The following GALNT17 variants were observed in gnomAD, a reference collection of about 807,000 sequenced individuals.
GALNT17 encodes polypeptide N-acetylgalactosaminyltransferase 17.
GALNT17 carries 29 observed loss-of-function variants against 63.7 expected under a neutral mutation model. That is an observed-to-expected ratio of 0.46 (90% CI 0.34 to 0.62). GALNT17 has a LOEUF of 0.62. GALNT17 is among the 20% of genes least tolerant of loss of function. The probability of loss-of-function intolerance (pLI) is 0.01; values close to 1 mark genes in which losing one functional copy is unlikely to be tolerated. For synonymous variants in GALNT17, 305 were observed against 318.3 expected (o/e 0.96, Z 0.45); for missense variants, 603 against 799.6 (o/e 0.75, Z 2.97).
At chr7:71,517,997 G>A (rs1051687140) in intron 5 of GALNT17, among the ~76,000 whole-genome samples, 2 of 152,178 alleles carry the variant, frequency 1.3e-5, no homozygotes, top group Non-Finnish European at 2.9e-5. Context: ...CTCATGAAAG[G>A]CCCCTGGGGG....
intron 9 of GALNT17, among the ~76,000 whole-genome samples, chr7:71,689,758 T>C (rs1791413748): frequency 6.6e-6 from 1 of 152,192 alleles, no homozygotes; most frequent in South Asian, 2.1e-4. Context: ...AGCCTTCTAT[T>C]AGAAGAAGGT....
chr7:71,617,336 T>A (rs28840822), intron 6 of GALNT17, among the ~76,000 whole-genome samples: 1 of 145,882 alleles, frequency 6.9e-6, no homozygotes, highest in Admixed American at 7.1e-5. Flanking sequence ...TTTTGTTTTT[T>A]TTTTTTTTGA....
intron 4 of GALNT17, among the ~76,000 whole-genome samples, chr7:71,416,324 T>G (rs73363716): frequency 0.046 from 6,925 of 152,190 alleles, 561 homozygotes; most frequent in African/African-American, 0.16. Flanking sequence ...TGAAAATGTT[T>G]TATCAGGCTG....
chr7:71,200,773 G>A (rs1789150798), intron 1 of GALNT17, among the ~76,000 whole-genome samples: 1 of 151,674 alleles, frequency 6.6e-6, no homozygotes. Context: ...TACCTTTATT[G>A]CTTTTCCATT....
At chr7:71,530,401 G>A (rs1788697800) in intron 5 of GALNT17, among the ~76,000 whole-genome samples, 1 of 152,104 alleles carries the variant, frequency 6.6e-6, no homozygotes, top group African/African-American at 2.4e-5. Flanking sequence ...AATGTTAGGA[G>A]ATAAGTACTC....
rs138909165 is a variant in GALNT17 at position 71,674,967 on chromosome 7, C to T, written c.1405-2244C>T. ...TTGGGAGGCCGAGGCAGGTGGATCACGAGGTCAGGAGATGGAGACCATCCT... is the reference window on the plus strand; with the variant it reads ...TTGGGAGGCCGAGGCAGGTGGATCATGAGGTCAGGAGATGGAGACCATCCT... On this transcript the variant is annotated intron_variant, in intron 8 of 10. Transcript: ENST00000333538. Among the ~76,000 whole-genome samples, 582 of 152,164 alleles carry T rather than the reference C, an allele frequency of 3.8e-3. 4 individuals are homozygous for T. The highest frequency in any genetic ancestry group is 0.012 in the African/African-American group (508 of 41,526).
chr7:71,399,061 C>T (rs1355103958), intron 3 of GALNT17, among the ~76,000 whole-genome samples: 10 of 151,918 alleles, frequency 6.6e-5, no homozygotes, highest in East Asian at 1.9e-4. Flanking sequence ...GATGAAACCC[C>T]GTCTACGCTA....
chr7:71,327,330 A>G (rs1791722168), intron 1 of GALNT17, among the ~76,000 whole-genome samples: 1 of 152,212 alleles, frequency 6.6e-6, no homozygotes, highest in African/African-American at 2.4e-5. Flanking sequence ...GGGGAAAGGC[A>G]TGTCTTACAT....
In GALNT17 at chr7:71,633,059, G is replaced by A. The variant is rs138431461; in HGVS notation, c.1081-32352G>A. ...TGGGAGGTTGCAGTGAGCCGACATC[G>A]CACCACTGCACTCCAGCCTGGGCGA... is the stretch of plus-strand genomic sequence containing the variant. On this transcript the variant is annotated intron_variant, in intron 6 of 10. Transcript: ENST00000333538. Among the ~76,000 whole-genome samples the A allele has an allele frequency of 1.1e-3, 146 of 137,610 alleles. 8 individuals are homozygous for A. In the East Asian group the frequency reaches 0.023, roughly 21 times the overall value. The allele number at this position is 137,610 out of a possible 152,430, so 90.3% of individuals were successfully genotyped here. A position where few individuals can be genotyped will look rare whatever the true frequency, so the allele number is the denominator to read the frequency against.
chr7:71,358,121 C>A (rs1792324021), intron 2 of GALNT17, among the ~76,000 whole-genome samples: 1 of 152,182 alleles, frequency 6.6e-6, no homozygotes, highest in South Asian at 2.1e-4. Context: ...GTCGGTGCCA[C>A]CTTTAAGAGC....
At chr7:71,210,778 G>A (rs963712290) in intron 1 of GALNT17, among the ~76,000 whole-genome samples, 3 of 152,162 alleles carry the variant, frequency 2.0e-5, no homozygotes, top group Non-Finnish European at 4.4e-5. Context: ...TGAAGTAGAA[G>A]CAGAAAGAGC....
chr7:71,359,985 G>C (rs1792368444), intron 2 of GALNT17, among the ~76,000 whole-genome samples: 1 of 152,146 alleles, frequency 6.6e-6, no homozygotes, highest in African/African-American at 2.4e-5. Context: ...TAGATTGAAG[G>C]CTTATGTGGA....
intron 1 of GALNT17, among the ~76,000 whole-genome samples, chr7:71,227,161 G>A (rs1789694254): frequency 9.0e-6 from 1 of 110,644 alleles, no homozygotes. Context: ...AAGATAGGGA[G>A]ACACCGTCTC....
chr7:71,664,009 AAATT>A (rs59079450), intron 6 of GALNT17, among the ~76,000 whole-genome samples: 18,579 of 151,296 alleles, frequency 0.12, 1,998 homozygotes, highest in East Asian at 0.58. Flanking sequence ...TCATTTCCAT[AAATT>A]AATTTTTTTT....
At chr7:71,456,370 TG>T (rs1301767294) in intron 5 of GALNT17, among the ~76,000 whole-genome samples, 2 of 152,078 alleles carry the variant, frequency 1.3e-5, no homozygotes, top group African/African-American at 4.8e-5. Context: ...TTATAAGGCC[TG>T]GGAAGGATGC....
chr7:71,390,335 C>T (rs967447934), intron 3 of GALNT17, among the ~76,000 whole-genome samples: 1 of 152,156 alleles, frequency 6.6e-6, no homozygotes, highest in African/African-American at 2.4e-5. Flanking sequence ...ATCCCTGGCC[C>T]CTTCTGAACC....
intron 9 of GALNT17, among the ~76,000 whole-genome samples, chr7:71,700,895 C>T (rs1478982071): frequency 6.6e-6 from 1 of 152,212 alleles, no homozygotes; most frequent in Non-Finnish European, 1.5e-5. Context: ...AAAGCAAGCA[C>T]TGTGTCATTC....
intron 9 of GALNT17, among the ~76,000 whole-genome samples, chr7:71,701,861 A>G (rs1355996505): frequency 1.3e-5 from 1 of 74,786 alleles, no homozygotes. Flanking sequence ...ATATACACAT[A>G]TATATATACA....
rs186906508 is a variant in GALNT17, at chr7:71,231,704, A to G, written c.238+98664A>G. Among the ~76,000 whole-genome samples the G allele has an allele frequency of 2.4e-4, 34 of 143,382 alleles. 1 individual carries two copies. Among genetic ancestry groups the G allele is most frequent in the African/African-American group, 9.3e-4 (34 of 36,530 alleles). The allele number at this position is 143,382 out of a possible 152,430, so 94.1% of individuals were successfully genotyped here. A position where few individuals can be genotyped will look rare whatever the true frequency, so the allele number is the denominator to read the frequency against. ...CAAGGAGAGAAGAAAGGAGAGAGAA[A>G]AGAGAAGAGGGGAGTGGGGGAGGGA... is the stretch of plus-strand genomic sequence containing the variant. On this transcript the variant is annotated intron_variant, in intron 1 of 10. Transcript: ENST00000333538.
Sources: allele counts gnomAD v4.1 joint callset (sites outside exome capture counted in the v4.1 genomes callset), GRCh38; gene constraint gnomAD v4.1.1; transcripts MANE v1.5; gene names NCBI Gene and HGNC (gene_info 2026-07-23, HGNC 2026-07-21).